The following PCNT variants were observed in gnomAD, a reference collection of about 807,000 sequenced individuals.
The protein encoded by PCNT is pericentrin, also known as kendrin.
In PCNT, 319 loss-of-function variants were observed where a neutral mutation model predicts 380.4. That is an observed-to-expected ratio of 0.84 (90% CI 0.77 to 0.92). The LOEUF is 0.92. PCNT is among the 40% of genes least tolerant of loss of function. The pLI is 0.00. For missense variants in PCNT, 4,400 were observed against 4,255.3 expected, an observed-to-expected ratio of 1.03 and a Z score of -0.95; for synonymous variants, 1,845 against 1,735.2, an observed-to-expected ratio of 1.06 and a Z score of -1.57.
At position 46,385,343 on chromosome 21, in the gene PCNT, G is replaced by A. The variant is rs375149710; in HGVS notation, c.3313-489G>A. Among the ~76,000 whole-genome samples the A allele has an allele frequency of 4.6e-5, 7 of 152,344 alleles. No homozygotes were observed. In the South Asian group the frequency reaches 1.5e-3, roughly 32 times the overall value. On this transcript the variant is annotated intron_variant, in intron 16 of 46. Transcript: ENST00000359568. ...TGCACTCCAGCCTGGGCAACAGAGT[G>A]AGACCCTGTCTCAGAAAGAAAGATC...
chr21:46,335,173 G>A (rs745751886), intron 3 of PCNT, among the ~76,000 whole-genome samples: 1 of 152,136 alleles, frequency 6.6e-6, no homozygotes, highest in Non-Finnish European at 1.5e-5. Flanking sequence ...CTGGTACCTC[G>A]TTTCTCACAT....
chr21:46,335,693 T>C (rs2083711878), intron 3 of PCNT, among the ~76,000 whole-genome samples: 1 of 147,226 alleles, frequency 6.8e-6, no homozygotes, highest in Admixed American at 6.7e-5. Flanking sequence ...TTTGGGGTTT[T>C]TTTTTTTTTT....
intron 16 of PCNT, among the ~76,000 whole-genome samples, chr21:46,384,756 G>T (rs979112714): frequency 7.1e-6 from 1 of 140,608 alleles, no homozygotes; most frequent in African/African-American, 2.6e-5. Flanking sequence ...CGGCGGAAGC[G>T]CATTCACGGT....
intron 38 of PCNT, among the ~76,000 whole-genome samples, chr21:46,434,659 C>G (rs2087893512): frequency 6.6e-6 from 1 of 152,250 alleles, no homozygotes. Context: ...CTCCCGGGCA[C>G]CAGACATGGC....
At chr21:46,384,364 A>G (rs147816974) in intron 16 of PCNT, among the ~76,000 whole-genome samples, 5,461 of 123,440 alleles carry the variant, frequency 0.044, 503 homozygotes, top group Middle Eastern at 0.12. Context: ...ACAGTGTTGT[A>G]TATTCAGTGA....
At chr21:46,406,248 C>T (rs1405658147) in intron 27 of PCNT, among the ~76,000 whole-genome samples, 1 of 152,158 alleles carries the variant, frequency 6.6e-6, no homozygotes, top group African/African-American at 2.4e-5. Flanking sequence ...CAATGTGGGC[C>T]CTCCCTCCCT....
At chr21:46,434,713 G>T (rs1392049121) in intron 38 of PCNT, among the ~76,000 whole-genome samples, 1 of 152,234 alleles carries the variant, frequency 6.6e-6, no homozygotes, top group Admixed American at 6.5e-5. Flanking sequence ...GCTCCTTGAG[G>T]TCTGGCTTAG....
Position 46,349,183 on chromosome 21 carries a change from G to T in PCNT, c.1204G>T (p.Glu402Ter). ...EKIFQDKNQA[E>*]RALRNLESHH... Reference sequence around the variant, plus strand: ...GATTTTTCAAGACAAAAACCAGGCTGAACGTAAGTAATGAAAATGAGCAAG... The same window carrying T: ...GATTTTTCAAGACAAAAACCAGGCTTAACGTAAGTAATGAAAATGAGCAAG... Residue 402 changes from glutamate to a stop codon, truncating the protein, a stop_gained, in exon 7 of 47, where the codon GAA (glutamate) becomes TAA (stop). Transcript: ENST00000359568. LOFTEE classifies it high-confidence loss of function. 2 of 1,612,718 alleles carry T rather than the reference G, an allele frequency of 1.2e-6. No individual in the cohort carries two copies. The highest frequency in any genetic ancestry group is 2.2e-5 in the South Asian group (2 of 90,988).
At chr21:46,327,095 C>G (rs1301520008) in intron 2 of PCNT, among the ~76,000 whole-genome samples, 1 of 151,414 alleles carries the variant, frequency 6.6e-6, no homozygotes, top group East Asian at 2.0e-4. Context: ...GATTCTCGCT[C>G]TGTCTCCCAG....
In PCNT at chr21:46,425,104, G is replaced by A. The variant is rs1349885455; in HGVS notation, c.7180-727G>A. Among the ~76,000 whole-genome samples the A allele has an allele frequency of 6.6e-6, 1 of 152,082 alleles. No individual in the cohort carries two copies. Among genetic ancestry groups the A allele is most frequent in the East Asian group, 1.9e-4 (1 of 5,188 alleles). On this transcript the variant is annotated intron_variant, in intron 32 of 46. Coordinates refer to ENST00000359568, the MANE Select transcript of PCNT (RefSeq NM_006031.6). This position sits in a 1 kb window ranked among gnomAD's most constrained non-coding sequence, Gnocchi z 4.2. The stretch of plus-strand genomic sequence containing the variant: ...GTCCTGTGCTTGGGTGTGTGCTCAT[G>A]TGGTGGTGACCGCGCTGAGCCTCTG...
intron 31 of PCNT, among the ~76,000 whole-genome samples, chr21:46,419,855 C>G (rs2087175357): frequency 6.6e-6 from 1 of 152,220 alleles, no homozygotes; most frequent in Non-Finnish European, 1.5e-5. Flanking sequence ...ATCCTCCCAC[C>G]TTAGCCTCCC....
chr21:46,402,979 G>A (rs566135022), intron 27 of PCNT, among the ~76,000 whole-genome samples: 36 of 152,196 alleles, frequency 2.4e-4, no homozygotes, highest in Non-Finnish European at 4.3e-4. Context: ...TAATGTAGCC[G>A]TGCTTTTGAA....
At chr21:46,371,075 T>A (rs2085108704) in intron 15 of PCNT, among the ~76,000 whole-genome samples, 1 of 151,708 alleles carries the variant, frequency 6.6e-6, no homozygotes, top group Non-Finnish European at 1.5e-5. Flanking sequence ...AAATAAAAAT[T>A]AACCAGGCAT....
In PCNT at chr21:46,416,859, C is replaced by T. The variant is rs762858049; in HGVS notation, c.6921+20C>T. 7.5e-6 allele frequency: 12 copies of T among 1,596,290 alleles called. No individual in the cohort carries two copies. Among genetic ancestry groups the T allele is most frequent in the Middle Eastern group, 2.0e-4 (1 of 4,976 alleles). ...GCTGTGGTAGGTGCCTGCTCTGCTC[C>T]CAGGCCTGCTGTTCCCGTGGGAATG... On this transcript the variant is annotated intron_variant, in intron 30 of 46. Coordinates refer to ENST00000359568, the MANE Select transcript of PCNT (RefSeq NM_006031.6).
In PCNT at chr21:46,398,178, G is replaced by GT. The variant is rs1569250867; in HGVS notation, c.4564-52dup. On this transcript the variant is annotated intron_variant, in intron 23 of 46. Transcript: ENST00000359568. ...GCTGCTGGTTGCTGTCTTTCACTGTGTTTTTAAGCTTTAACTTTCTTTAAA... is the reference window on the plus strand; with the variant it reads ...GCTGCTGGTTGCTGTCTTTCACTGTGTTTTTTAAGCTTTAACTTTCTTTAAA... The GT allele has an allele frequency of 1.9e-6, 3 of 1,607,392 alleles. No individual in the cohort carries two copies. The African/African-American group carries it at 4.0e-5, about 21-fold the overall frequency.
intron 38 of PCNT, 96 bp downstream of exon 38, chr21:46,432,311 C>T: frequency 8.3e-7 from 1 of 1,207,698 alleles, no homozygotes; most frequent in Non-Finnish European, 1.2e-6. Context: ...TTATGTCTGG[C>T]CCTCTGACCT....
In PCNT at chr21:46,425,962, A is replaced by G; in HGVS notation, c.7311A>G (p.Gly2437=). 1 of 1,613,974 alleles carries G rather than the reference A, an allele frequency of 6.2e-7. No individual in the cohort carries two copies. The highest frequency in any genetic ancestry group is 8.5e-7 in the Non-Finnish European group (1 of 1,179,998). The change falls in exon 33 of 47, where the codon GGA becomes GGG. Residue 2437 remains glycine (G), a synonymous_variant. Transcript: ENST00000359568. The surrounding 1 kb of genome is among the most constrained non-coding windows in gnomAD (Gnocchi z 4.2). ...DEIQDISLHG[G]KTQEVPTACP... ...TACAGGACATCTCGCTCCATGGGGG[A>G]AAGACGCAGGTTTATTTTGCCCTTC... is the stretch of plus-strand genomic sequence containing the variant.
chr21:46,393,930 C>A (rs1601944701), intron 21 of PCNT, among the ~76,000 whole-genome samples: 1 of 152,244 alleles, frequency 6.6e-6, no homozygotes, highest in Non-Finnish European at 1.5e-5. Context: ...ATGGGCCTTG[C>A]AGTGGCAGGC....
In PCNT at chr21:46,438,152, C is replaced by T. The variant is rs377613438; in HGVS notation, c.9100-12C>T. 1.9e-5 allele frequency: 30 copies of T among 1,609,198 alleles called. No homozygotes were observed. The highest frequency in any genetic ancestry group is 2.4e-5 in the Non-Finnish European group (28 of 1,176,090). On this transcript the variant is annotated splice_polypyrimidine_tract_variant and intron_variant, in intron 40 of 46. Transcript: ENST00000359568. ...CAACAAATTCTTACAAATTTATTTT[C>T]TTTTCTCCAAGAAAAAAATGGCAGC...
Sources: gnomAD v4.1 joint callset for allele counts (sites outside exome capture counted in the v4.1 genomes callset) on GRCh38, gnomAD v4.1.1 for gene constraint, Gnocchi (gnomAD v3.1) non-coding constraint, MANE v1.5 for transcripts, NCBI Gene and HGNC (gene_info 2026-07-23, HGNC 2026-07-21) for gene names.